GALNT13: variants seen among roughly 807,000 people sequenced by gnomAD.
GALNT13 encodes the protein UDP-GalNAc:polypeptide N-acetylgalactosaminyltransferase 13.
In GALNT13, 28 loss-of-function variants were observed where a neutral mutation model predicts 64.2. The observed-to-expected ratio is 0.44, with a 90% CI of 0.32 to 0.60. The LOEUF is 0.60. Ranked by LOEUF, GALNT13 falls within the 20% of genes least tolerant of loss-of-function variation. The pLI is 0.05. For synonymous variants in GALNT13, 214 were observed against 224.6 expected (o/e 0.95, Z 0.42); for missense variants, 577 against 669.8 (o/e 0.86, Z 1.53).
At chr2:154,035,267 T>G (rs1364487290) in intron 3 of GALNT13, among the ~76,000 whole-genome samples, 1 of 152,136 alleles carries the variant, frequency 6.6e-6, no homozygotes, top group East Asian at 1.9e-4. Flanking sequence ...TAGTAAGCAT[T>G]TTACATTAAA....
At chr2:154,395,931 T>C (rs1188696165) in intron 9 of GALNT13, 60 bp from the exon 10 acceptor site, 2 of 1,457,378 alleles carry the variant, frequency 1.4e-6, no homozygotes, top group Admixed American at 2.3e-5. Flanking sequence ...GTAAATGTAG[T>C]AAAACAGTAC....
chr2:153,883,333 G>A (rs1202480465), intron 1 of GALNT13, among the ~76,000 whole-genome samples: 2 of 151,938 alleles, frequency 1.3e-5, no homozygotes, highest in Admixed American at 6.6e-5. Flanking sequence ...TGGACGTCTA[G>A]TAAGAAAACA....
chr2:153,562,557 A>G, the GALNT13 span, among the ~76,000 whole-genome samples: 1 of 152,118 alleles, frequency 6.6e-6, no homozygotes, highest in East Asian at 1.9e-4. Flanking sequence ...TTAAATTTAC[A>G]TAAATTCAAT....
At chr2:153,786,506 A>ACTTTAATCCCTGCTGCC in the GALNT13 span, among the ~76,000 whole-genome samples, 1 of 151,698 alleles carries the variant, frequency 6.6e-6, no homozygotes, top group African/African-American at 2.4e-5. Flanking sequence ...CCACAGCAGC[A>ACTTTAATCCCTGCTGCC]CTTTAATCCC....
At chr2:153,520,595 GT>G in the GALNT13 span, among the ~76,000 whole-genome samples, 1 of 152,132 alleles carries the variant, frequency 6.6e-6, no homozygotes, top group Non-Finnish European at 1.5e-5. Context: ...CCATGGAAGA[GT>G]TTTATCTTAA....
At chr2:153,441,136 G>A in the GALNT13 span, among the ~76,000 whole-genome samples, 1 of 152,180 alleles carries the variant, frequency 6.6e-6, no homozygotes, top group African/African-American at 2.4e-5. Context: ...GAGGTGTAAG[G>A]AAGGGGTCCG....
At chr2:154,397,210 C>T (rs1699095554) in intron 10 of GALNT13, among the ~76,000 whole-genome samples, 1 of 151,696 alleles carries the variant, frequency 6.6e-6, no homozygotes. Flanking sequence ...CCAAGGCAGG[C>T]GGATCATGAG....
intron 3 of GALNT13, among the ~76,000 whole-genome samples, chr2:154,001,821 T>C (rs957102997): frequency 7.2e-5 from 11 of 152,074 alleles, no homozygotes; most frequent in African/African-American, 2.7e-4. Flanking sequence ...GAAGGACTCC[T>C]TTTAGCATTT....
chr2:154,206,869 C>A (rs2105790981), intron 4 of GALNT13, among the ~76,000 whole-genome samples: 1 of 151,828 alleles, frequency 6.6e-6, no homozygotes, highest in African/African-American at 2.4e-5. Flanking sequence ...ATGGTCGTTT[C>A]ACCATGCATT....
the GALNT13 span, among the ~76,000 whole-genome samples, chr2:153,847,970 G>A: frequency 5.3e-4 from 81 of 152,296 alleles, no homozygotes; most frequent in Non-Finnish European, 4.4e-4. Flanking sequence ...TGAGGCAAGA[G>A]AGCTGGCTTA....
chr2:153,945,968 A>AT lies in GALNT13; in HGVS notation c.142+1335dup, dbSNP rs1464662974. Among the ~76,000 whole-genome samples the AT allele has an allele frequency of 1.2e-4, 18 of 152,234 alleles. No homozygotes were observed. The East Asian group carries it at 2.1e-3, about 18-fold the overall frequency. ...AGACCCATTTAGGTAGTTTACATGC[A>AT]TTTTTTATGCCTTTATACTTCAGTT... is the stretch of plus-strand genomic sequence containing the variant. On this transcript the variant is annotated intron_variant, in intron 3 of 12. Coordinates refer to ENST00000392825, the MANE Select transcript of GALNT13 (RefSeq NM_052917.4).
chr2:153,976,987 A>G (rs1000596488), intron 3 of GALNT13, among the ~76,000 whole-genome samples: 2 of 152,176 alleles, frequency 1.3e-5, no homozygotes, highest in African/African-American at 2.4e-5. Flanking sequence ...CATACTAGTC[A>G]TAATTGAACT....
the GALNT13 span, among the ~76,000 whole-genome samples, chr2:153,741,415 T>A: frequency 6.6e-6 from 1 of 152,084 alleles, no homozygotes; most frequent in African/African-American, 2.4e-5. Context: ...CTTATTAAAA[T>A]TATACTCTGA....
the GALNT13 span, among the ~76,000 whole-genome samples, chr2:153,783,834 A>G: frequency 2.0e-5 from 3 of 152,116 alleles, no homozygotes; most frequent in South Asian, 6.2e-4. Flanking sequence ...CCCTTCTACC[A>G]TGCTTGTAAG....
chr2:153,761,143 G>C, the GALNT13 span, among the ~76,000 whole-genome samples: 5 of 152,088 alleles, frequency 3.3e-5, no homozygotes, highest in African/African-American at 9.7e-5. Flanking sequence ...TATCTGGGTA[G>C]CATAGAGCTG....
chr2:154,371,970 G>C (rs1456415240), intron 9 of GALNT13, among the ~76,000 whole-genome samples: 1 of 151,820 alleles, frequency 6.6e-6, no homozygotes, highest in Non-Finnish European at 1.5e-5. Context: ...ACCTGACATA[G>C]ACAAATATAT....
the GALNT13 span, among the ~76,000 whole-genome samples, chr2:153,155,580 A>G: frequency 6.6e-6 from 1 of 152,026 alleles, no homozygotes. Flanking sequence ...CCCTCTTGTC[A>G]TTTCTAATTC....
intron 4 of GALNT13, among the ~76,000 whole-genome samples, chr2:154,170,033 A>G (rs975716444): frequency 1.3e-5 from 2 of 152,200 alleles, no homozygotes; most frequent in Non-Finnish European, 2.9e-5. Flanking sequence ...CTCAAATTCT[A>G]AAAGTATTAT....
the GALNT13 span, among the ~76,000 whole-genome samples, chr2:153,194,223 A>G: frequency 3.9e-5 from 6 of 152,258 alleles, no homozygotes; most frequent in African/African-American, 1.4e-4. Flanking sequence ...TGGAACATTT[A>G]AAATTTGAAT....
Sources: allele counts gnomAD v4.1 joint callset (sites outside exome capture counted in the v4.1 genomes callset), GRCh38; gene constraint gnomAD v4.1.1; transcripts MANE v1.5; gene names NCBI Gene and HGNC (gene_info 2026-07-23, HGNC 2026-07-21).